The following PHF21A variants were observed in gnomAD, a reference collection of about 807,000 sequenced individuals.
The protein encoded by PHF21A is BHC80a.
PHF21A carries 11 observed loss-of-function variants against 82.5 expected under a neutral mutation model. The ratio of observed to expected loss-of-function variants is 0.13; its 90% CI spans 0.08 to 0.22. The LOEUF is 0.22. PHF21A is among the 10% of genes least tolerant of loss of function. The probability of loss-of-function intolerance (pLI) is 1.00; values close to 1 mark genes in which losing one functional copy is unlikely to be tolerated. For synonymous variants in PHF21A, 297 were observed against 302.8 expected (o/e 0.98, Z 0.20); for missense variants, 579 against 837.8 (o/e 0.69, Z 3.81).
intron 1 of PHF21A, among the ~76,000 whole-genome samples, chr11:46,120,131 ACACT>A (rs1406346342): frequency 1.8e-4 from 27 of 149,716 alleles, no homozygotes; most frequent in Non-Finnish European, 7.4e-5. Flanking sequence ...CAACACACTC[ACACT>A]CACACACACA....
intron 3 of PHF21A, among the ~76,000 whole-genome samples, chr11:46,090,149 TGGA>T (rs2096907067): frequency 6.7e-6 from 1 of 149,760 alleles, no homozygotes; most frequent in South Asian, 2.1e-4. Flanking sequence ...AAATTGAAAA[TGGA>T]GGAGGTTGGG....
rs566155333 is a variant in PHF21A, at chr11:46,031,034, T to C, written c.153+45720A>G. On this transcript the variant is annotated intron_variant, in intron 6 of 18. Transcript: ENST00000676320. ...AGGAGCTAGAGCCTACACCAGTGAGTGAACTTTTACAGGAAATTCATGTAC... is the reference window on the plus strand; with the variant it reads ...AGGAGCTAGAGCCTACACCAGTGAGCGAACTTTTACAGGAAATTCATGTAC... Among the ~76,000 whole-genome samples the C allele has an allele frequency of 2.6e-5, 4 of 152,226 alleles. No homozygotes were observed. In the South Asian group the frequency reaches 8.3e-4, roughly 32 times the overall value.
chr11:45,948,012 G>A (rs1228079536), intron 14 of PHF21A, among the ~76,000 whole-genome samples: 1 of 152,208 alleles, frequency 6.6e-6, no homozygotes, highest in Non-Finnish European at 1.5e-5. Context: ...GACCTCCTGA[G>A]CTTCCAGTAG....
intron 6 of PHF21A, among the ~76,000 whole-genome samples, chr11:46,023,889 G>A (rs554551545): frequency 2.9e-4 from 44 of 152,280 alleles, no homozygotes; most frequent in African/African-American, 1.1e-3. Context: ...CCAGGAGGCG[G>A]AGGTTGCAGT....
chr11:46,014,101 T>C (rs1189583936), intron 6 of PHF21A, among the ~76,000 whole-genome samples: 1 of 152,208 alleles, frequency 6.6e-6, no homozygotes, highest in Non-Finnish European at 1.5e-5. Flanking sequence ...CTTCTATTGA[T>C]CCTGTGACCC....
chr11:46,114,531 C>G (rs140269085), intron 1 of PHF21A, among the ~76,000 whole-genome samples: 1 of 152,188 alleles, frequency 6.6e-6, no homozygotes, highest in Admixed American at 6.5e-5. Context: ...ATAAAAGTGA[C>G]GGGCTACTAT....
intron 1 of PHF21A, among the ~76,000 whole-genome samples, chr11:46,113,120 C>T (rs1413765149): frequency 6.6e-6 from 1 of 152,134 alleles, no homozygotes; most frequent in Non-Finnish European, 1.5e-5. Context: ...AAGGGTTTTC[C>T]GTACTGTTTA....
intron 6 of PHF21A, among the ~76,000 whole-genome samples, chr11:46,045,367 T>C (rs2096241516): frequency 6.6e-6 from 1 of 152,216 alleles, no homozygotes; most frequent in Non-Finnish European, 1.5e-5. Flanking sequence ...CCTGGCTGAT[T>C]AATTTCATAT....
chr11:45,941,565 G>A (rs1252015279), intron 15 of PHF21A, among the ~76,000 whole-genome samples: 1 of 151,986 alleles, frequency 6.6e-6, no homozygotes, highest in Non-Finnish European at 1.5e-5. Flanking sequence ...GAGTCTCGGG[G>A]ACTCCCAGAC....
rs750054339 is a variant in PHF21A at position 45,935,172 on chromosome 11, C to CG, written c.1788+463dup. On this transcript the variant is annotated intron_variant, in intron 18 of 18. Coordinates refer to ENST00000676320, the MANE Select transcript of PHF21A (RefSeq NM_001352027.3). ...GCTTCCTCACACTGGTCAGGAAAAC[C>CG]GGGAAATGCAATCAGCATGGTGTGG... The CG allele has an allele frequency of 3.1e-6, 4 of 1,289,760 alleles. No homozygotes were observed. In the South Asian group the frequency reaches 4.9e-5, roughly 16 times the overall value. The allele number at this position is 1,289,760 out of a possible 1,614,324, so 79.9% of individuals were successfully genotyped here. A position where few individuals can be genotyped will look rare whatever the true frequency, so the allele number is the denominator to read the frequency against.
At chr11:46,101,012 CG>C (rs201250058) in intron 1 of PHF21A, among the ~76,000 whole-genome samples, 1 of 152,132 alleles carries the variant, frequency 6.6e-6, no homozygotes, top group East Asian at 1.9e-4. Context: ...GAAGGAAGTG[CG>C]GAACAAGACT....
At chr11:45,979,128 T>C (rs2094172855) in intron 7 of PHF21A, among the ~76,000 whole-genome samples, 1 of 152,026 alleles carries the variant, frequency 6.6e-6, no homozygotes, top group Non-Finnish European at 1.5e-5. Context: ...GTGATTCTCC[T>C]GCCTCAGCCT....
intron 6 of PHF21A, among the ~76,000 whole-genome samples, chr11:46,012,649 C>T (rs2095434871): frequency 6.6e-6 from 1 of 152,152 alleles, no homozygotes. Flanking sequence ...TAGCACAGTG[C>T]CTAGAACATA....
intron 10 of PHF21A, among the ~76,000 whole-genome samples, chr11:45,964,637 T>C (rs949998753): frequency 3.9e-5 from 6 of 152,102 alleles, no homozygotes; most frequent in Non-Finnish European, 5.9e-5. Context: ...GTTTTTCAAA[T>C]AGGATACGGT....
intron 6 of PHF21A, among the ~76,000 whole-genome samples, chr11:46,064,630 C>A (rs1000059557): frequency 6.6e-6 from 1 of 152,036 alleles, no homozygotes; most frequent in African/African-American, 2.4e-5. Flanking sequence ...GTTCTTATAC[C>A]CTAATCTGTT....
intron 6 of PHF21A, among the ~76,000 whole-genome samples, chr11:46,057,395 A>G (rs1294415121): frequency 1.3e-5 from 2 of 152,208 alleles, no homozygotes; most frequent in African/African-American, 4.8e-5. Context: ...CTAGATGCAC[A>G]GGAGTGTTAA....
At chr11:46,009,975 G>A (rs891645309) in intron 6 of PHF21A, among the ~76,000 whole-genome samples, 4 of 152,108 alleles carry the variant, frequency 2.6e-5, no homozygotes, top group African/African-American at 9.7e-5. Context: ...ATCCTAATTT[G>A]TTCAGCTTCT....
Position 45,969,855 on chromosome 11 carries a change from G to C in PHF21A, c.662C>G (p.Pro221Arg). 2 of 1,613,914 alleles carry C rather than the reference G, an allele frequency of 1.2e-6. No individual in the cohort carries two copies. The highest frequency in any genetic ancestry group is 8.5e-7 in the Non-Finnish European group (1 of 1,179,864). Reference protein sequence around the residue: ...PQPIKVPQFIPPPRLTPRPNF... With the variant: ...PQPIKVPQFIRPPRLTPRPNF... The stretch of plus-strand genomic sequence containing the variant: ...TGGACGTGGAGTGAGTCTAGGAGGG[G>C]GGATAAACTGTGGTACTTTGATGGG... The change falls in exon 9 of 19, where the codon CCC (proline) becomes CGC (arginine). Residue 221 changes from proline (P) to arginine (R), a missense_variant. Coordinates refer to ENST00000676320, the MANE Select transcript of PHF21A (RefSeq NM_001352027.3).
intron 6 of PHF21A, among the ~76,000 whole-genome samples, chr11:45,990,245 ATCT>A (rs2094638756): frequency 5.2e-5 from 7 of 135,856 alleles, no homozygotes; most frequent in Admixed American, 3.2e-4. Context: ...TAGCATTTTC[ATCT>A]TCTTTTTTTT....
Sources: allele counts gnomAD v4.1 joint callset (sites outside exome capture counted in the v4.1 genomes callset), GRCh38; gene constraint gnomAD v4.1.1; transcripts MANE v1.5; gene names NCBI Gene and HGNC (gene_info 2026-07-23, HGNC 2026-07-21).